The following SHISA6 variants were observed in gnomAD, a reference collection of about 807,000 sequenced individuals.
SHISA6 encodes the protein shisa family member 6, also known as protein shisa-6.
A neutral mutation model predicts 47.9 loss-of-function variants in SHISA6; 22 were observed. The observed-to-expected ratio is 0.46, with a 90% CI of 0.33 to 0.66. The LOEUF is 0.66. Among genes scored for constraint, SHISA6 ranks in the 30% least tolerant of loss-of-function variants. SHISA6 has a pLI of 0.02. For synonymous variants in SHISA6, 388 were observed against 337.8 expected (o/e 1.15, Z -1.63); for missense variants, 680 against 764.6 (o/e 0.89, Z 1.30).
chr17:11,412,685 G>GTGCC, intron 3 of SHISA6, among the ~76,000 whole-genome samples: 1 of 152,144 alleles, frequency 6.6e-6, no homozygotes, highest in East Asian at 1.9e-4. Context: ...GGGACTACAG[G>GTGCC]CACCGGCCAC....
At chr17:11,389,028 C>A (rs1913301455) in intron 3 of SHISA6, among the ~76,000 whole-genome samples, 2 of 151,746 alleles carry the variant, frequency 1.3e-5, no homozygotes, top group South Asian at 2.1e-4. Flanking sequence ...CAGTATGGCC[C>A]AGGACTCTGT....
intron 2 of SHISA6, among the ~76,000 whole-genome samples, chr17:11,291,881 T>C: frequency 6.6e-6 from 1 of 152,184 alleles, no homozygotes; most frequent in Non-Finnish European, 1.5e-5. Flanking sequence ...TCCGAGGTCC[T>C]CATTTTAAAA....
At chr17:11,277,527 C>CT (rs1908968300) in intron 2 of SHISA6, among the ~76,000 whole-genome samples, 1 of 152,156 alleles carries the variant, frequency 6.6e-6, no homozygotes, top group South Asian at 2.1e-4. Context: ...CATTCAATAA[C>CT]TATTTCTTGA....
At chr17:11,369,045 A>T (rs1024996749) in intron 2 of SHISA6, among the ~76,000 whole-genome samples, 1 of 152,200 alleles carries the variant, frequency 6.6e-6, no homozygotes, top group Non-Finnish European at 1.5e-5. Context: ...GAAAGCATGA[A>T]TGGTTCATCC....
chr17:11,485,291 G>A (rs917236787), intron 3 of SHISA6, among the ~76,000 whole-genome samples: 1 of 152,086 alleles, frequency 6.6e-6, no homozygotes, highest in Non-Finnish European at 1.5e-5. Flanking sequence ...CATAGATGGG[G>A]CATTTAATAC....
intron 2 of SHISA6, among the ~76,000 whole-genome samples, chr17:11,282,401 C>CT (rs35015959): frequency 1.6e-4 from 24 of 148,584 alleles, no homozygotes; most frequent in South Asian, 4.3e-4. Flanking sequence ...GGTATTTCTT[C>CT]TTTTTTTTTT....
rs534797031 is a variant in SHISA6 at position 11,559,469 on chromosome 17, T to G, written c.*1165T>G. ...GGTGGTTGTCCTGCATCCTCTCCGC[T>G]CATCCTTCCTTCCCCATCTCTGTCT... is the stretch of plus-strand genomic sequence containing the variant. On this transcript the variant is annotated 3_prime_UTR_variant, in exon 6 of 6. Transcript: ENST00000441885. This position sits in a 1 kb window ranked among gnomAD's most constrained non-coding sequence, Gnocchi z 4.4. The G allele has an allele frequency of 6.6e-6, 1 of 152,462 alleles. No homozygotes were observed. The highest frequency in any genetic ancestry group is 6.5e-5 in the Admixed American group (1 of 15,314). 9.4% of individuals were successfully genotyped at this position (152,462 alleles called of 1,614,324 possible). A position where few individuals can be genotyped will look rare whatever the true frequency, so the allele number is the denominator to read the frequency against.
At chr17:11,464,168 C>T (rs928774189) in intron 3 of SHISA6, among the ~76,000 whole-genome samples, 8 of 152,102 alleles carry the variant, frequency 5.3e-5, no homozygotes, top group East Asian at 1.9e-4. Flanking sequence ...CCTCCTGCCT[C>T]GGCCTCCCAA....
chr17:11,552,133 A>AT (rs1408544373), intron 4 of SHISA6, among the ~76,000 whole-genome samples, 181 bp downstream of exon 4: 1 of 152,100 alleles, frequency 6.6e-6, no homozygotes, highest in African/African-American at 2.4e-5. Context: ...CTTGTAGGCT[A>AT]TTTTCCCCTT....
chr17:11,557,486 G>C (rs1401887441), intron 5 of SHISA6, among the ~76,000 whole-genome samples: 2 of 152,180 alleles, frequency 1.3e-5, no homozygotes, highest in Non-Finnish European at 1.5e-5. Context: ...TTACCTGGGA[G>C]CTTGTTAGAG....
chr17:11,248,459 C>T (rs950888652), intron 1 of SHISA6, among the ~76,000 whole-genome samples: 4 of 152,146 alleles, frequency 2.6e-5, no homozygotes, highest in African/African-American at 4.8e-5. Flanking sequence ...TGTGTTCTAG[C>T]GCTCAGACTC....
At chr17:11,501,401 A>G (rs972915778) in intron 3 of SHISA6, among the ~76,000 whole-genome samples, 7 of 152,040 alleles carry the variant, frequency 4.6e-5, no homozygotes, top group Non-Finnish European at 8.8e-5. Flanking sequence ...TGTCCAACAA[A>G]TTTTTAAAAG....
intron 3 of SHISA6, among the ~76,000 whole-genome samples, chr17:11,517,526 G>A (rs1377247710): frequency 4.6e-5 from 7 of 151,964 alleles, no homozygotes; most frequent in Admixed American, 2.0e-4. Context: ...TTATGGAATC[G>A]GGTTCTTGCT....
At chr17:11,437,012 C>T (rs1345277486) in intron 3 of SHISA6, among the ~76,000 whole-genome samples, 3 of 152,120 alleles carry the variant, frequency 2.0e-5, no homozygotes, top group Non-Finnish European at 4.4e-5. Context: ...TTAGCCCATT[C>T]CCTTGAAAGC....
At chr17:11,282,164 C>G (rs539275861) in intron 2 of SHISA6, among the ~76,000 whole-genome samples, 5 of 152,126 alleles carry the variant, frequency 3.3e-5, no homozygotes, top group Non-Finnish European at 7.3e-5. Flanking sequence ...ACTCCTTTTT[C>G]AAAAGAGGTC....
intron 3 of SHISA6, among the ~76,000 whole-genome samples, chr17:11,487,523 A>T (rs1038115466): frequency 1.3e-5 from 2 of 152,202 alleles, no homozygotes; most frequent in East Asian, 3.9e-4. Flanking sequence ...TGTACCCAGG[A>T]AACATCCTGA....
At chr17:11,551,339 A>G (rs1282904967) in intron 3 of SHISA6, among the ~76,000 whole-genome samples, 1 of 149,212 alleles carries the variant, frequency 6.7e-6, no homozygotes, top group Non-Finnish European at 1.5e-5. Context: ...AAGGCAGGAC[A>G]GAGCCTAGAA....
chr17:11,470,504 A>G (rs2068527), intron 3 of SHISA6, among the ~76,000 whole-genome samples: 1 of 152,066 alleles, frequency 6.6e-6, no homozygotes, highest in East Asian at 1.9e-4. Context: ...GGTCACCCCA[A>G]ACTCCATCAG....
Position 11,241,659 on chromosome 17 carries a change from G to T in SHISA6, c.237G>T (p.Ala79=). The T allele has an allele frequency of 6.9e-7, 1 of 1,445,668 alleles. No homozygotes were observed. Among genetic ancestry groups the T allele is most frequent in the Non-Finnish European group, 9.0e-7 (1 of 1,105,924 alleles). 89.6% of individuals were successfully genotyped at this position (1,445,668 alleles called of 1,614,324 possible). A position where few individuals can be genotyped will look rare whatever the true frequency, so the allele number is the denominator to read the frequency against. Residue 79 remains alanine, a synonymous_variant, in exon 1 of 6, where the codon GCG becomes GCT. Coordinates refer to ENST00000441885, the MANE Select transcript of SHISA6 (RefSeq NM_207386.4). This position sits in a 1 kb window ranked among gnomAD's most constrained non-coding sequence, Gnocchi z 5.5. Reference sequence around the variant, plus strand: ...GAAGCCGGCGGGGGCAGCCCGCGGCGGCTGTGGCGGCGGCGGCCAGCGCGG... The same window carrying T: ...GAAGCCGGCGGGGGCAGCCCGCGGCTGCTGTGGCGGCGGCGGCCAGCGCGG... ...EAGSRRGQPA[A]AVAAAASAAV...
Sources: gnomAD v4.1 joint callset for allele counts (sites outside exome capture counted in the v4.1 genomes callset) on GRCh38, gnomAD v4.1.1 for gene constraint, Gnocchi (gnomAD v3.1) non-coding constraint, MANE v1.5 for transcripts, NCBI Gene and HGNC (gene_info 2026-07-23, HGNC 2026-07-21) for gene names.